The following DPEP1 variants were observed in gnomAD, a reference collection of about 807,000 sequenced individuals.
DPEP1 encodes the protein dipeptidase 1, also known as beta-lactamase.
A neutral mutation model predicts 42.3 loss-of-function variants in DPEP1; 50 were observed. The observed-to-expected ratio is 1.18, with a 90% CI of 0.94 to 1.50. The LOEUF is 1.50. Ranked by LOEUF, DPEP1 falls within the 40% of genes most tolerant of loss-of-function variation. DPEP1 has a pLI of 0.00. For synonymous variants in DPEP1, 297 were observed against 234.0 expected (o/e 1.27, Z -2.46); for missense variants, 663 against 553.0 (o/e 1.20, Z -1.99).
At chr16:89,636,115 G>T in intron 3 of DPEP1, 75 bp downstream of exon 3, 1 of 1,550,658 alleles carries the variant, frequency 6.4e-7, no homozygotes, top group South Asian at 1.2e-5. Context: ...GCTACAGTGG[G>T]ACCATCCCTG....
At chr16:89,630,707 A>AGCCGGGGCTGGGGGT in intron 2 of DPEP1, among the ~76,000 whole-genome samples, 193 bp downstream of exon 2, 1 of 23,172 alleles carries the variant, frequency 4.3e-5, no homozygotes, top group African/African-American at 2.3e-4. Flanking sequence ...GGGCTGGGGG[A>AGCCGGGGCTGGGGGT]GCCGGGGCTG....
At position 89,637,545 on chromosome 16, in the gene DPEP1, A is replaced by C; in HGVS notation, c.846A>C (p.Gln282His). Residue 282 changes from glutamine to histidine, a missense_variant, in exon 8 of 11, where the codon CAA becomes CAC. Gln to His is a conservative substitution (Grantham distance 24). Transcript: ENST00000690203. ...ISCTNKANLS[Q>H]VADHLDHIKE... ...GCACCAACAAGGCCAACCTGTCCCA[A>C]GTGGCCGGTAGGTGGGGTGTGAGCG... 1 of 1,612,682 alleles carries C rather than the reference A, an allele frequency of 6.2e-7. No individual in the cohort carries two copies. The highest frequency in any genetic ancestry group is 8.5e-7 in the Non-Finnish European group (1 of 1,179,908).
intron 1 of DPEP1, among the ~76,000 whole-genome samples, chr16:89,614,745 A>G (rs975365745): frequency 1.3e-5 from 2 of 152,174 alleles, no homozygotes; most frequent in African/African-American, 4.8e-5. Context: ...CGGTGAGCTG[A>G]GATCGTGCCA....
downstream of DPEP1, among the ~76,000 whole-genome samples, chr16:89,640,910 A>G (rs2059738363): frequency 1.3e-5 from 2 of 152,166 alleles, no homozygotes; most frequent in Admixed American, 1.3e-4. Context: ...ACTGTTATTT[A>G]TTGGATACGA....
In DPEP1 at chr16:89,630,534, A is replaced by T. The variant is rs779168678; in HGVS notation, c.104+20A>T. ...TGATGGGTGAGTGCTCACCTGAGCC[A>T]GGTGCTTAGGGAACCAGGACTGGGA... is the stretch of plus-strand genomic sequence containing the variant. On this transcript the variant is annotated intron_variant, in intron 2 of 10. Transcript: ENST00000690203. The T allele has an allele frequency of 6.8e-7, 1 of 1,468,138 alleles. No homozygotes were observed. The highest frequency in any genetic ancestry group is 2.9e-5 in the East Asian group (1 of 33,938). 90.9% of individuals were successfully genotyped at this position (1,468,138 alleles called of 1,614,324 possible). A position where few individuals can be genotyped will look rare whatever the true frequency, so the allele number is the denominator to read the frequency against.
intron 2 of DPEP1, among the ~76,000 whole-genome samples, chr16:89,633,435 G>A (rs893243296): frequency 2.0e-5 from 3 of 152,246 alleles, no homozygotes; most frequent in African/African-American, 4.8e-5. Flanking sequence ...GGTCAGGAAC[G>A]ACTGGGACCC....
Position 89,637,956 on chromosome 16 carries a change from C to G in DPEP1, c.1050C>G (p.Phe350Leu), listed in dbSNP as rs201141726. The G allele has an allele frequency of 6.2e-7, 1 of 1,609,112 alleles. No homozygotes were observed. Among genetic ancestry groups the G allele is most frequent in the Non-Finnish European group, 8.5e-7 (1 of 1,178,346 alleles). Reference protein sequence around the residue: ...GALADNLLRVFEAVEQASNLT... With the variant: ...GALADNLLRVLEAVEQASNLT... The stretch of plus-strand genomic sequence containing the variant: ...TGGCTGACAACCTGCTGAGGGTCTT[C>G]GAGGCTGTGGAACAGGTGAGGATGG... Residue 350 changes from phenylalanine (F) to leucine (L), a missense_variant, in exon 10 of 11, where the codon TTC becomes TTG. Coordinates refer to ENST00000690203, the MANE Select transcript of DPEP1 (RefSeq NM_001389466.1).
chr16:89,636,210 G>T (rs1037533515), intron 3 of DPEP1, 54 bp from the exon 4 acceptor site: 14 of 1,573,898 alleles, frequency 8.9e-6, no homozygotes, highest in East Asian at 6.9e-5. Flanking sequence ...AGGCATGCGG[G>T]GGGTGGGCTG....
At chr16:89,624,762 C>T (rs761399177) in intron 1 of DPEP1, among the ~76,000 whole-genome samples, 30 of 151,994 alleles carry the variant, frequency 2.0e-4, no homozygotes, top group Non-Finnish European at 4.0e-4. Flanking sequence ...CTTGAACTCC[C>T]GGCCTCAGGT....
At chr16:89,624,505 G>C (rs574932289) in intron 1 of DPEP1, among the ~76,000 whole-genome samples, 2 of 151,848 alleles carry the variant, frequency 1.3e-5, no homozygotes, top group South Asian at 4.2e-4. Context: ...AGTGGGGTGA[G>C]AGGGGCGCTG....
rs1439029280 is a variant in DPEP1, at chr16:89,616,669, G to C, written c.-107+2950G>C. Among the ~76,000 whole-genome samples the C allele has an allele frequency of 2.6e-5, 4 of 152,160 alleles. No homozygotes were observed. The South Asian group carries it at 8.3e-4, about 32-fold the overall frequency. ...CAGGAATTCAAAGTAGCGCAGATTG[G>C]GACGGCTGGGCCTTCTCCCCTCAGC... On this transcript the variant is annotated intron_variant, in intron 1 of 10. Transcript: ENST00000690203.
chr16:89,632,305 G>A (rs1486581271), intron 2 of DPEP1, among the ~76,000 whole-genome samples: 3 of 152,150 alleles, frequency 2.0e-5, no homozygotes, highest in East Asian at 3.9e-4. Context: ...CGCCCGCCTC[G>A]GCCTCCCACA....
chr16:89,636,835 C>G, intron 5 of DPEP1, 31 bp from the exon 6 acceptor site: 11 of 1,611,838 alleles, frequency 6.8e-6, no homozygotes, highest in Non-Finnish European at 8.5e-6. Context: ...CCACCGCTCA[C>G]CTCTTGGGCA....
intron 2 of DPEP1, among the ~76,000 whole-genome samples, chr16:89,630,977 G>A (rs370330233): frequency 6.6e-6 from 1 of 152,014 alleles, no homozygotes; most frequent in Non-Finnish European, 1.5e-5. Context: ...CAGGGACTGG[G>A]CAGGAAGGAG....
At chr16:89,630,120 C>T (rs1259549762) in intron 1 of DPEP1, among the ~76,000 whole-genome samples, 185 bp from the exon 2 acceptor site, 1 of 152,198 alleles carries the variant, frequency 6.6e-6, no homozygotes, top group African/African-American at 2.4e-5. Flanking sequence ...GGTCTGGGAT[C>T]CCAGCTTCTT....
At chr16:89,639,394 A>C (rs1053538705), downstream of DPEP1, among the ~76,000 whole-genome samples, 10 of 1,548 alleles carry the variant, frequency 6.5e-3, no homozygotes, top group East Asian at 0.023. Flanking sequence ...ACACACCCCC[A>C]CCCCTGCACA....
chr16:89,632,195 G>A (rs1233663423), intron 2 of DPEP1, among the ~76,000 whole-genome samples: 3 of 152,068 alleles, frequency 2.0e-5, no homozygotes, highest in East Asian at 1.9e-4. Flanking sequence ...GATTACAGGC[G>A]CCCGCCACCA....
At chr16:89,632,736 CA>C (rs1251600868) in intron 2 of DPEP1, among the ~76,000 whole-genome samples, 5 of 152,272 alleles carry the variant, frequency 3.3e-5, no homozygotes, top group Non-Finnish European at 7.4e-5. Flanking sequence ...CCAGAGGCCC[CA>C]CCTTCCCATC....
At chr16:89,632,747 C>G (rs988697539) in intron 2 of DPEP1, among the ~76,000 whole-genome samples, 8 of 152,116 alleles carry the variant, frequency 5.3e-5, no homozygotes, top group African/African-American at 1.9e-4. Context: ...ACCTTCCCAT[C>G]GTTTTCTCCA....
Sources: allele counts gnomAD v4.1 joint callset (sites outside exome capture counted in the v4.1 genomes callset), GRCh38; gene constraint gnomAD v4.1.1; transcripts MANE v1.5; gene names NCBI Gene and HGNC (gene_info 2026-07-23, HGNC 2026-07-21).